Variants in COL5A1 observed in about 807,000 individuals in gnomAD.
The protein encoded by COL5A1 is collagen alpha-1(V) chain.
A neutral mutation model predicts 263.7 loss-of-function variants in COL5A1; 16 were observed. The ratio of observed to expected loss-of-function variants is 0.06; its 90% confidence interval spans 0.04 to 0.09. The LOEUF (loss-of-function observed/expected upper bound fraction) is 0.09. Ranked by LOEUF, COL5A1 falls within the 10% of genes least tolerant of loss-of-function variation. The pLI is 1.00. For missense variants in COL5A1, 2,036 were observed against 2,540.5 expected, an observed-to-expected ratio of 0.80 and a Z score of 4.27; for synonymous variants, 1,012 against 1,004.5, an observed-to-expected ratio of 1.01 and a Z score of -0.14.
At chr9:134,658,906 C>T (rs11103457) in intron 1 of COL5A1, among the ~76,000 whole-genome samples, 32,591 of 152,144 alleles carry the variant, frequency 0.21, 3,692 homozygotes, top group Middle Eastern at 0.31. Context: ...GGGAGGGGTT[C>T]GCTGAGACTT....
intron 63 of COL5A1, among the ~76,000 whole-genome samples, chr9:134,827,313 G>C (rs1839328286): frequency 6.6e-6 from 1 of 152,206 alleles, no homozygotes; most frequent in Admixed American, 6.5e-5. Context: ...GGCTGCAGTG[G>C]AGGCTGCACA....
At chr9:134,779,268 A>G (rs1482819746) in intron 27 of COL5A1, among the ~76,000 whole-genome samples, 7 of 152,174 alleles carry the variant, frequency 4.6e-5, no homozygotes, top group African/African-American at 1.2e-4. Flanking sequence ...CAAAGACATT[A>G]ACAGCAAGGG....
chr9:134,842,357 C>A lies in COL5A1; in HGVS notation c.*54C>A. On this transcript the variant is annotated 3_prime_UTR_variant, in exon 66 of 66. Transcript: ENST00000371817. This position sits in a 1 kb window ranked among gnomAD's most constrained non-coding sequence, Gnocchi z 5.8. The stretch of plus-strand genomic sequence containing the variant: ...AACCTCGTGACCTCAGCATGCCATT[C>A]GTTCGTGAGTGTCCCGTGCACGTCC... 1 of 1,604,498 alleles carries A rather than the reference C, an allele frequency of 6.2e-7. No homozygotes were observed. The highest frequency in any genetic ancestry group is 1.1e-5 in the South Asian group (1 of 90,370).
chr9:134,701,330 T>A lies in COL5A1; in HGVS notation c.651T>A (p.Phe217Leu). 6.2e-7 allele frequency: 1 copy of A among 1,613,494 alleles called. No homozygotes were observed. The highest frequency in any genetic ancestry group is 2.2e-5 in the East Asian group (1 of 44,842). The change falls in exon 4 of 66, where the codon TTT becomes TTA. Residue 217 changes from phenylalanine to leucine, a missense_variant. Around this residue, in one of 3 missense-constraint regions of COL5A1, gnomAD observed 600 missense variants for 634.5 expected, o/e 0.95. Transcript: ENST00000371817. Reference protein sequence around the residue: ...FGTRILDEEVFEGDIQQLLFV... With the variant: ...FGTRILDEEVLEGDIQQLLFV... ...CCCGGATCCTGGATGAGGAGGTGTT[T>A]GAGGTGAGCAGGAGGGCAGACCAAC... is the stretch of plus-strand genomic sequence containing the variant.
intron 32 of COL5A1, among the ~76,000 whole-genome samples, chr9:134,793,180 G>A (rs1181669081): frequency 6.6e-6 from 1 of 151,904 alleles, no homozygotes; most frequent in Non-Finnish European, 1.5e-5. Flanking sequence ...TCCCGGGAAG[G>A]GGGAAAGACC....
At chr9:134,835,679 G>A (rs1344983244) in intron 65 of COL5A1, among the ~76,000 whole-genome samples, 2 of 152,220 alleles carry the variant, frequency 1.3e-5, no homozygotes, top group Non-Finnish European at 2.9e-5. Flanking sequence ...CCCTCTCCAT[G>A]TGGGGAGAGC....
chr9:134,794,591 G>C lies in COL5A1; in HGVS notation c.2701-491G>C, dbSNP rs551332316. Among the ~76,000 whole-genome samples, 29 of 152,370 alleles carry C rather than the reference G, an allele frequency of 1.9e-4. No homozygotes were observed. The highest frequency in any genetic ancestry group is 6.7e-4 in the African/African-American group (28 of 41,598). On this transcript the variant is annotated intron_variant, in intron 32 of 65. Transcript: ENST00000371817. The surrounding 1 kb of genome is among the most constrained non-coding windows in gnomAD (Gnocchi z 4.3). ...ATATGATTTATATATTAAATTCCAAGTTTGCGCGTCTGCAGAGCCTGTTGA... is the reference window on the plus strand; with the variant it reads ...ATATGATTTATATATTAAATTCCAACTTTGCGCGTCTGCAGAGCCTGTTGA...
chr9:134,652,818 C>T lies in COL5A1; in HGVS notation c.109+10522C>T, dbSNP rs767793073. On this transcript the variant is annotated intron_variant, in intron 1 of 65. Transcript: ENST00000371817. The surrounding 1 kb of genome is among the most constrained non-coding windows in gnomAD (Gnocchi z 4.4). ...CCAGCAGTTCCCAAACTTTACCAGG[C>T]CCCAGAATCCCCCCGAGGCCTCTCT... 1.8e-5 allele frequency: 8 copies of T among 445,758 alleles called. No individual in the cohort carries two copies. Among genetic ancestry groups the T allele is most frequent in the East Asian group, 1.5e-4 (2 of 13,706 alleles). 27.6% of individuals were successfully genotyped at this position (445,758 alleles called of 1,614,324 possible). A position where few individuals can be genotyped will look rare whatever the true frequency, so the allele number is the denominator to read the frequency against.
At chr9:134,748,700 A>G (rs1182168707) in intron 11 of COL5A1, among the ~76,000 whole-genome samples, 1 of 152,262 alleles carries the variant, frequency 6.6e-6, no homozygotes, top group African/African-American at 2.4e-5. Flanking sequence ...ATACACATAT[A>G]TACATTCTTT....
rs1836674989 is a variant in COL5A1, at chr9:134,766,573, T to C, written c.2133+75T>C. 5 of 1,422,400 alleles carry C rather than the reference T, an allele frequency of 3.5e-6. No homozygotes were observed. In the African/African-American group the frequency reaches 4.2e-5, roughly 12 times the overall value. The allele number at this position is 1,422,400 out of a possible 1,614,324, so 88.1% of individuals were successfully genotyped here. A position where few individuals can be genotyped will look rare whatever the true frequency, so the allele number is the denominator to read the frequency against. On this transcript the variant is annotated intron_variant, in intron 22 of 65. Transcript: ENST00000371817. Reference sequence around the variant, plus strand: ...CACACTCCTTGCCTGGCTAGGGAGGTCCATCGCTGTCCACATCAGCTGGGA... The same window carrying C: ...CACACTCCTTGCCTGGCTAGGGAGGCCCATCGCTGTCCACATCAGCTGGGA...
At chr9:134,808,763 A>G (rs1838399456) in intron 42 of COL5A1, among the ~76,000 whole-genome samples, 1 of 152,188 alleles carries the variant, frequency 6.6e-6, no homozygotes. Context: ...GTGTCTGCAG[A>G]GAATGTAAAG....
intron 33 of COL5A1, 22 bp downstream of exon 33, chr9:134,795,148 G>A: frequency 1.9e-6 from 3 of 1,614,046 alleles, no homozygotes; most frequent in Non-Finnish European, 2.5e-6. Flanking sequence ...TTCAGCTTGT[G>A]GGCATGTTTG....
At position 134,814,846 on chromosome 9, in the gene COL5A1, C is replaced by A. The variant is rs1480871198; in HGVS notation, c.3956C>A (p.Ala1319Asp). 6.4e-7 allele frequency: 1 copy of A among 1,551,760 alleles called. No homozygotes were observed. Among genetic ancestry groups the A allele is most frequent in the Non-Finnish European group, 8.7e-7 (1 of 1,147,234 alleles). Residue 1319 changes from alanine to aspartate, a missense_variant, in exon 50 of 66, where the codon GCT (alanine) becomes GAT (aspartate). Coordinates refer to ENST00000371817, the MANE Select transcript of COL5A1 (RefSeq NM_000093.5). ...AAGGGCGAGTCAGGCCCTTCAGGTG[C>A]TGCCGGACCCCCTGGACCCAAAGGC... is the stretch of plus-strand genomic sequence containing the variant. The part of the protein sequence containing the change: ...GEKGESGPSG[A>D]AGPPGPKGPP...
intron 30 of COL5A1, 58 bp downstream of exon 30, chr9:134,785,154 C>T (rs1837410020): frequency 7.0e-7 from 1 of 1,428,576 alleles, no homozygotes; most frequent in African/African-American, 1.4e-5. Flanking sequence ...GGCCCTTCCC[C>T]ATGGCCTCGG....
intron 11 of COL5A1, among the ~76,000 whole-genome samples, chr9:134,745,388 C>T (rs1835473147): frequency 6.6e-6 from 1 of 151,780 alleles, no homozygotes; most frequent in Non-Finnish European, 1.5e-5. Flanking sequence ...GCAGGGTCTG[C>T]CAGGGTGTTC....
chr9:134,750,808 G>T lies in COL5A1; in HGVS notation c.1588G>T (p.Gly530Cys). The T allele has an allele frequency of 6.2e-7, 1 of 1,613,274 alleles. No individual in the cohort carries two copies. The highest frequency in any genetic ancestry group is 8.5e-7 in the Non-Finnish European group (1 of 1,180,008). Residue 530 changes from glycine to cysteine, a missense_variant, in exon 13 of 66, where the codon GGC becomes TGC. Physicochemically the swap from Gly to Cys is radical, Grantham distance 159. Around this residue, in one of 3 missense-constraint regions of COL5A1, gnomAD observed 1,078 missense variants for 1,521.4 expected, o/e 0.71. Coordinates refer to ENST00000371817, the MANE Select transcript of COL5A1 (RefSeq NM_000093.5). ...LMLPFRFGGG[G>C]DAGSKGPMVS... ...CTTGCAGTTCCGGTTTGGAGGTGGC[G>T]GCGATGCGGGCTCCAAAGGCCCCAT...
intron 4 of COL5A1, among the ~76,000 whole-genome samples, chr9:134,702,322 T>G (rs1016566418): frequency 5.3e-5 from 8 of 152,188 alleles, no homozygotes; most frequent in Non-Finnish European, 8.8e-5. Flanking sequence ...GGCTCTGGGA[T>G]TTCCTCCTCC....
At chr9:134,650,574 G>A (rs1831644177) in intron 1 of COL5A1, among the ~76,000 whole-genome samples, 1 of 152,260 alleles carries the variant, frequency 6.6e-6, no homozygotes, top group Non-Finnish European at 1.5e-5. Flanking sequence ...TTTACCCAGT[G>A]AGGTGCAGTA....
intron 1 of COL5A1, chr9:134,653,106 G>C (rs1368408102): frequency 5.8e-6 from 1 of 173,702 alleles, no homozygotes; most frequent in East Asian, 1.7e-4. Context: ...CCCATCTCAG[G>C]AACCTCCCGC....
Sources: allele counts gnomAD v4.1 joint callset (sites outside exome capture counted in the v4.1 genomes callset), GRCh38; gene constraint gnomAD v4.1.1; regional missense constraint gnomAD v4.1.1; non-coding constraint Gnocchi (gnomAD v3.1); transcripts MANE v1.5; gene names NCBI Gene and HGNC (gene_info 2026-07-23, HGNC 2026-07-21).